Variants in NELL1 observed in about 807,000 individuals in gnomAD.
NELL1 encodes protein kinase C-binding protein NELL1.
A neutral mutation model predicts 107.4 loss-of-function variants in NELL1; 76 were observed. The ratio of observed to expected loss-of-function variants is 0.71; its 90% CI spans 0.59 to 0.86. The LOEUF is 0.86. NELL1 is among the 40% of genes least tolerant of loss of function. NELL1 has a pLI of 0.00. For missense variants in NELL1, 1,024 were observed against 1,005.5 expected (o/e 1.02, Z -0.25); for synonymous variants, 353 against 341.2 (o/e 1.03, Z -0.38).
intron 2 of NELL1, among the ~76,000 whole-genome samples, chr11:20,718,398 A>G (rs974368968): frequency 6.6e-6 from 1 of 152,104 alleles, no homozygotes; most frequent in African/African-American, 2.4e-5. Context: ...TGGCATGCAT[A>G]GCATATGGGG....
intron 15 of NELL1, among the ~76,000 whole-genome samples, chr11:21,408,989 C>T (rs1465463634): frequency 8.6e-5 from 13 of 151,874 alleles, no homozygotes; most frequent in South Asian, 6.2e-4. Flanking sequence ...GGTGGGACTG[C>T]AAACTAGTTC....
At chr11:20,988,000 G>A (rs930806466) in intron 12 of NELL1, among the ~76,000 whole-genome samples, 2 of 152,138 alleles carry the variant, frequency 1.3e-5, no homozygotes, top group East Asian at 3.9e-4. Flanking sequence ...GGATTTTCCT[G>A]TGTTTACAAC....
chr11:21,334,020 C>A (rs748507058), intron 14 of NELL1, among the ~76,000 whole-genome samples: 1 of 152,024 alleles, frequency 6.6e-6, no homozygotes, highest in Non-Finnish European at 1.5e-5. Context: ...TCTGCATGTG[C>A]ATTGGAGTTC....
chr11:20,860,015 G>A (rs373761174), intron 4 of NELL1, among the ~76,000 whole-genome samples: 4 of 152,152 alleles, frequency 2.6e-5, no homozygotes, highest in African/African-American at 9.7e-5. Flanking sequence ...ATTGTGTATA[G>A]TCTAGTCCAC....
intron 12 of NELL1, among the ~76,000 whole-genome samples, chr11:21,074,477 G>C (rs1320711882): frequency 1.3e-5 from 2 of 152,142 alleles, no homozygotes; most frequent in Admixed American, 6.6e-5. Context: ...ATATAATATA[G>C]AGGTTTCTAC....
At chr11:20,720,613 A>T (rs1200252947) in intron 2 of NELL1, among the ~76,000 whole-genome samples, 1 of 152,138 alleles carries the variant, frequency 6.6e-6, no homozygotes, top group Non-Finnish European at 1.5e-5. Context: ...TTTGGATGCT[A>T]GGAGTCCAAA....
At chr11:20,718,762 G>C (rs1855311206) in intron 2 of NELL1, among the ~76,000 whole-genome samples, 1 of 152,170 alleles carries the variant, frequency 6.6e-6, no homozygotes, top group Non-Finnish European at 1.5e-5. Flanking sequence ...CTCAGCCCCA[G>C]TACGATGAGG....
intron 14 of NELL1, among the ~76,000 whole-genome samples, chr11:21,357,773 T>G (rs1029992017): frequency 2.0e-5 from 3 of 152,220 alleles, no homozygotes; most frequent in African/African-American, 7.2e-5. Flanking sequence ...ATTTTTAGGT[T>G]TCAAGTCTTA....
Position 20,835,861 on chromosome 11 carries a change from C to T in NELL1, c.336-11722C>T, listed in dbSNP as rs954465566. ...CATAGGAGAAAATCTACATAACTTT[C>T]GGTTCAGTGATGAGCTTTTAGGTAC... On this transcript the variant is annotated intron_variant, in intron 3 of 19. Transcript: ENST00000357134. Among the ~76,000 whole-genome samples the T allele has an allele frequency of 2.0e-5, 3 of 151,990 alleles. 1 individual carries two copies. The highest frequency in any genetic ancestry group is 4.1e-4 in the South Asian group (2 of 4,820).
At chr11:20,770,934 A>G (rs1564901936) in intron 2 of NELL1, 1 of 142,984 alleles carries the variant, frequency 7.0e-6, no homozygotes, top group Non-Finnish European at 1.5e-5. Flanking sequence ...TTTGGCACAC[A>G]TTGTAGCCAG....
intron 3 of NELL1, among the ~76,000 whole-genome samples, chr11:20,811,758 T>A (rs1590317240): frequency 6.6e-6 from 1 of 152,250 alleles, no homozygotes; most frequent in East Asian, 1.9e-4. Flanking sequence ...CATATGGAAG[T>A]GTTACTAATT....
chr11:21,459,232 A>ACAT (rs1372935693), intron 15 of NELL1, among the ~76,000 whole-genome samples: 13 of 151,706 alleles, frequency 8.6e-5, no homozygotes, highest in African/African-American at 3.1e-4. Context: ...GGTCTTATTA[A>ACAT]CATTACTTAC....
At chr11:21,462,906 T>C (rs1199315268) in intron 15 of NELL1, among the ~76,000 whole-genome samples, 3 of 152,066 alleles carry the variant, frequency 2.0e-5, no homozygotes, top group Admixed American at 1.3e-4. Flanking sequence ...GAAGCACCTG[T>C]GTTTGACTGT....
At chr11:20,927,814 T>C (rs2134172547) in intron 8 of NELL1, among the ~76,000 whole-genome samples, 1 of 152,364 alleles carries the variant, frequency 6.6e-6, no homozygotes, top group East Asian at 1.9e-4. Context: ...ATTTTCTACA[T>C]GTTTTTATTG....
At chr11:20,885,640 G>A (rs1289954389) in intron 5 of NELL1, 100 bp downstream of exon 5, 5 of 752,404 alleles carry the variant, frequency 6.6e-6, no homozygotes, top group Non-Finnish European at 1.2e-5. Context: ...TTAGTGGGAA[G>A]GGCATGGCAT....
At chr11:20,720,557 T>C (rs1384080241) in intron 2 of NELL1, among the ~76,000 whole-genome samples, 1 of 152,158 alleles carries the variant, frequency 6.6e-6, no homozygotes, top group African/African-American at 2.4e-5. Flanking sequence ...TCTAGCAAAG[T>C]ACTGTTGACT....
chr11:21,202,269 G>A (rs551946228), intron 13 of NELL1, among the ~76,000 whole-genome samples: 44 of 152,146 alleles, frequency 2.9e-4, no homozygotes, highest in African/African-American at 1.0e-3. Flanking sequence ...ACTTTTTTTG[G>A]TTGGTAGGCT....
At chr11:20,837,712 C>T (rs1041447650) in intron 3 of NELL1, among the ~76,000 whole-genome samples, 7 of 152,144 alleles carry the variant, frequency 4.6e-5, no homozygotes, top group East Asian at 3.9e-4. Flanking sequence ...AGCTGAAAAA[C>T]GTCCAACAGC....
intron 14 of NELL1, among the ~76,000 whole-genome samples, chr11:21,345,125 T>C (rs1850656553): frequency 6.6e-6 from 1 of 152,166 alleles, no homozygotes; most frequent in Non-Finnish European, 1.5e-5. Context: ...AGCCCAGAAG[T>C]AGCTTGGTTT....
Sources: gnomAD v4.1 joint callset for allele counts (sites outside exome capture counted in the v4.1 genomes callset) on GRCh38, gnomAD v4.1.1 for gene constraint, MANE v1.5 for transcripts, NCBI Gene and HGNC (gene_info 2026-07-23, HGNC 2026-07-21) for gene names.